The following ATL1 variants were observed in gnomAD, a reference collection of about 807,000 sequenced individuals.
ATL1 encodes atlastin GTPase 1, also known as atlastin-1.
A neutral mutation model predicts 75.5 loss-of-function variants in ATL1; 31 were observed. That is an observed-to-expected ratio of 0.41 (90% CI 0.31 to 0.55). The LOEUF (loss-of-function observed/expected upper bound fraction) is 0.55, where lower values mean the gene tolerates loss of function less well. Ranked by LOEUF, ATL1 falls within the 20% of genes least tolerant of loss-of-function variation. ATL1 has a pLI of 0.27. For synonymous variants in ATL1, 226 were observed against 233.3 expected (o/e 0.97, Z 0.28); for missense variants, 405 against 662.6 (o/e 0.61, Z 4.27).
upstream of ATL1, among the ~76,000 whole-genome samples, chr14:50,556,476 C>T (rs2038766942): frequency 6.6e-6 from 1 of 152,104 alleles, no homozygotes; most frequent in South Asian, 2.1e-4. Flanking sequence ...CCTCAGCTTC[C>T]CAAAGTGCTG....
Position 50,617,601 on chromosome 14 carries a change from C to T in ATL1, c.863-2998C>T, listed in dbSNP as rs543449568. On this transcript the variant is annotated intron_variant, in intron 8 of 13. Transcript: ENST00000358385. Reference sequence around the variant, plus strand: ...ACTAGTGCATCTGCCCTGTGGAGTTCTTATAAAGCATACATCGTATTCTCA... The same window carrying T: ...ACTAGTGCATCTGCCCTGTGGAGTTTTTATAAAGCATACATCGTATTCTCA... 6.6e-5 allele frequency among the ~76,000 whole-genome samples: 10 copies of T among 152,324 alleles called. No individual in the cohort carries two copies. In the South Asian group the frequency reaches 2.1e-3, roughly 32 times the overall value.
chr14:50,584,615 A>G (rs1357787473), intron 1 of ATL1, among the ~76,000 whole-genome samples: 2 of 152,066 alleles, frequency 1.3e-5, no homozygotes, highest in Admixed American at 1.3e-4. Flanking sequence ...AGGCTGAAGC[A>G]GGAGAATGGC....
chr14:50,548,440 C>G (rs2038661778), intron 1 of ATL1, among the ~76,000 whole-genome samples: 1 of 152,188 alleles, frequency 6.6e-6, no homozygotes, highest in African/African-American at 2.4e-5. Context: ...ACTAGAGATG[C>G]CACAAGGATG....
intron 9 of ATL1, among the ~76,000 whole-genome samples, chr14:50,621,566 C>T (rs1035908263): frequency 6.6e-6 from 1 of 152,088 alleles, no homozygotes; most frequent in African/African-American, 2.4e-5. Flanking sequence ...GCGTTACTCC[C>T]GGCAGAGGGG....
chr14:50,536,904 T>A (rs1190192451), intron 1 of ATL1, among the ~76,000 whole-genome samples: 3 of 152,198 alleles, frequency 2.0e-5, no homozygotes, highest in Non-Finnish European at 4.4e-5. Context: ...GCATAAAAGT[T>A]TGGAAAATTT....
chr14:50,551,308 C>G (rs989768711), intron 1 of ATL1, among the ~76,000 whole-genome samples: 2 of 150,874 alleles, frequency 1.3e-5, no homozygotes, highest in Non-Finnish European at 2.9e-5. Context: ...AAATGTACAA[C>G]CCTCCTGATT....
In ATL1 at chr14:50,628,189, T is replaced by C; in HGVS notation, c.1278T>C (p.Asp426=). 1 of 1,614,178 alleles carries C rather than the reference T, an allele frequency of 6.2e-7. No individual in the cohort carries two copies. Among genetic ancestry groups the C allele is most frequent in the South Asian group, 1.1e-5 (1 of 91,088 alleles). ...RYLQQLESEI[D]ELYIQYIKHN... is the part of the protein sequence containing the mutation. ...TGCAGCAGTTGGAGAGTGAAATAGATGAACTTTACATCCAATATATCAAGC... is the reference window on the plus strand; with the variant it reads ...TGCAGCAGTTGGAGAGTGAAATAGACGAACTTTACATCCAATATATCAAGC... The change falls in exon 12 of 14, where the codon GAT becomes GAC. Residue 426 remains aspartate (D), a synonymous_variant. Coordinates refer to ENST00000358385, the MANE Select transcript of ATL1 (RefSeq NM_015915.5).
At chr14:50,611,748 T>C (rs539598443) in intron 6 of ATL1, among the ~76,000 whole-genome samples, 1 of 152,202 alleles carries the variant, frequency 6.6e-6, no homozygotes, top group African/African-American at 2.4e-5. Context: ...CTCCAGAATG[T>C]TTAAAATTAA....
At chr14:50,567,132 C>A (rs1429661753) in intron 1 of ATL1, among the ~76,000 whole-genome samples, 2 of 152,184 alleles carry the variant, frequency 1.3e-5, no homozygotes, top group South Asian at 4.1e-4. Flanking sequence ...AACTCCTCAT[C>A]CCTCCTCATG....
intron 1 of ATL1, among the ~76,000 whole-genome samples, chr14:50,583,764 A>T (rs117205451): frequency 6.6e-6 from 1 of 152,216 alleles, no homozygotes; most frequent in Non-Finnish European, 1.5e-5. Context: ...GGTGCTTGCC[A>T]TATTATATAC....
intron 8 of ATL1, among the ~76,000 whole-genome samples, chr14:50,618,526 A>G (rs764202794): frequency 5.9e-5 from 9 of 152,218 alleles, no homozygotes; most frequent in Admixed American, 2.0e-4. Context: ...AAAACATGAA[A>G]CAAAATAACT....
intron 1 of ATL1, among the ~76,000 whole-genome samples, chr14:50,552,743 A>G (rs1194414020): frequency 6.6e-6 from 1 of 152,178 alleles, no homozygotes; most frequent in Non-Finnish European, 1.5e-5. Flanking sequence ...CGACAAAACA[A>G]ACAAAAACAT....
chr14:50,595,535 TC>T (rs747562146), intron 5 of ATL1, 40 bp from the exon 6 acceptor site: 3 of 1,598,960 alleles, frequency 1.9e-6, no homozygotes, highest in Non-Finnish European at 1.7e-6. Flanking sequence ...TCTCTCTCTC[TC>T]TCTCTCTGTG....
At chr14:50,630,955 C>T (rs116515704) in intron 13 of ATL1, 8 of 455,330 alleles carry the variant, frequency 1.8e-5, no homozygotes, top group South Asian at 9.3e-5. Context: ...ACCATACAGA[C>T]GTAATGCCAT....
At chr14:50,611,486 C>T (rs887061358) in intron 6 of ATL1, among the ~76,000 whole-genome samples, 22 of 151,944 alleles carry the variant, frequency 1.4e-4, no homozygotes, top group Admixed American at 9.2e-4. Context: ...ACATGTAAAA[C>T]GTAGAAGGAA....
At chr14:50,580,927 G>A (rs1271714069) in intron 1 of ATL1, among the ~76,000 whole-genome samples, 1 of 151,850 alleles carries the variant, frequency 6.6e-6, no homozygotes, top group African/African-American at 2.4e-5. Flanking sequence ...TTTTTTATAA[G>A]TGATACTTTT....
At chr14:50,555,117 T>C (rs2038749550) in intron 1 of ATL1, among the ~76,000 whole-genome samples, 1 of 152,146 alleles carries the variant, frequency 6.6e-6, no homozygotes, top group African/African-American at 2.4e-5. Context: ...TTAGAGAGAA[T>C]GGATATATTC....
At chr14:50,623,415 A>T (rs2039486529) in intron 11 of ATL1, among the ~76,000 whole-genome samples, 167 bp downstream of exon 11, 2 of 152,108 alleles carry the variant, frequency 1.3e-5, no homozygotes, top group Non-Finnish European at 1.5e-5. Context: ...AAATATTTTT[A>T]AAAACATTGT....
chr14:50,543,372 A>T (rs1297439466), intron 1 of ATL1, among the ~76,000 whole-genome samples: 1 of 152,178 alleles, frequency 6.6e-6, no homozygotes, highest in African/African-American at 2.4e-5. Flanking sequence ...GGGAAGAGTG[A>T]CCTGTCATCA....
Sources: gnomAD v4.1 joint callset for allele counts (sites outside exome capture counted in the v4.1 genomes callset) on GRCh38, gnomAD v4.1.1 for gene constraint, MANE v1.5 for transcripts, NCBI Gene and HGNC (gene_info 2026-07-23, HGNC 2026-07-21) for gene names.